SORCS2: variants seen among roughly 807,000 people sequenced by gnomAD.
The protein encoded by SORCS2 is VPS10 domain-containing receptor SorCS2.
In SORCS2, 100 loss-of-function variants were observed where a neutral mutation model predicts 141.6. That is an observed-to-expected ratio of 0.71 (90% CI 0.60 to 0.83). The LOEUF (loss-of-function observed/expected upper bound fraction) is 0.83. SORCS2 is among the 40% of genes least tolerant of loss of function. The pLI, the probability that SORCS2 is intolerant of heterozygous loss-of-function variation, is 0.00. For synonymous variants in SORCS2, 789 were observed against 676.9 expected, an observed-to-expected ratio of 1.17 and a Z score of -2.57; for missense variants, 1,646 against 1,560.2, an observed-to-expected ratio of 1.05 and a Z score of -0.93.
intron 3 of SORCS2, among the ~76,000 whole-genome samples, chr4:7,636,643 A>G (rs1365584367): frequency 6.6e-6 from 1 of 152,084 alleles, no homozygotes; most frequent in African/African-American, 2.4e-5. Flanking sequence ...CCCAGCCGGG[A>G]TAAGGGTGTC....
intron 3 of SORCS2, among the ~76,000 whole-genome samples, chr4:7,579,579 G>A (rs1335923691): frequency 6.6e-6 from 1 of 152,124 alleles, no homozygotes; most frequent in Non-Finnish European, 1.5e-5. Context: ...ATCTTGTAGG[G>A]CCTGGTCCAA....
rs560433433 is a variant in SORCS2 at position 7,270,127 on chromosome 4, C to T, written c.480+77001C>T. On this transcript the variant is annotated intron_variant, in intron 1 of 26. Coordinates refer to ENST00000507866, the MANE Select transcript of SORCS2 (RefSeq NM_020777.3). ...AACTCCTGGCCTCAAGTGATCCTCCCGCCTTGGCCTCCCAAAGTGCTGGGA... is the reference window on the plus strand; with the variant it reads ...AACTCCTGGCCTCAAGTGATCCTCCTGCCTTGGCCTCCCAAAGTGCTGGGA... 1.3e-4 allele frequency among the ~76,000 whole-genome samples: 20 copies of T among 152,356 alleles called. No individual in the cohort carries two copies. In the South Asian group the frequency reaches 1.5e-3, roughly 11 times the overall value.
chr4:7,277,415 T>C (rs904319420), intron 1 of SORCS2, among the ~76,000 whole-genome samples: 3 of 152,126 alleles, frequency 2.0e-5, no homozygotes, highest in Non-Finnish European at 4.4e-5. Context: ...CAGCTTCTCC[T>C]CAATACAGAC....
intron 1 of SORCS2, among the ~76,000 whole-genome samples, chr4:7,383,181 G>A (rs1275725416): frequency 2.0e-5 from 3 of 152,114 alleles, no homozygotes; most frequent in African/African-American, 7.2e-5. Context: ...TTGGTACGGA[G>A]CTCAAGAGGG....
Position 7,661,698 on chromosome 4 carries a change from G to A in SORCS2, c.952+134G>A, listed in dbSNP as rs148748598. On this transcript the variant is annotated intron_variant, in intron 6 of 26. Transcript: ENST00000507866. ...AGCCGGCCTCACTGTGTCTCGATGT[G>A]GCATGATTTTAAATGTGCTTGTTTT... The A allele has an allele frequency of 3.3e-5, 27 of 808,894 alleles. No individual in the cohort carries two copies. In the African/African-American group the frequency reaches 4.6e-4, roughly 14 times the overall value. The allele number at this position is 808,894 out of a possible 1,614,324, so 50.1% of individuals were successfully genotyped here. A position where few individuals can be genotyped will look rare whatever the true frequency, so the allele number is the denominator to read the frequency against.
At chr4:7,256,685 G>T (rs60732708) in intron 1 of SORCS2, among the ~76,000 whole-genome samples, 27,632 of 151,286 alleles carry the variant, frequency 0.18, 3,204 homozygotes, top group Middle Eastern at 0.25. Context: ...TCAATAGTGG[G>T]GGAGCTGTGA....
intron 1 of SORCS2, among the ~76,000 whole-genome samples, chr4:7,241,403 G>A (rs1462961930): frequency 6.6e-6 from 1 of 152,136 alleles, no homozygotes; most frequent in African/African-American, 2.4e-5. Flanking sequence ...CAGCATGAAC[G>A]CTCCCAGTGG....
At chr4:7,209,106 T>A (rs1478915697) in intron 1 of SORCS2, among the ~76,000 whole-genome samples, 1 of 152,146 alleles carries the variant, frequency 6.6e-6, no homozygotes, top group Non-Finnish European at 1.5e-5. Context: ...TTCTCTTCCC[T>A]AGGAGGGAAA....
chr4:7,358,951 A>T (rs1721422161), intron 1 of SORCS2, among the ~76,000 whole-genome samples: 1 of 152,038 alleles, frequency 6.6e-6, no homozygotes, highest in Admixed American at 6.5e-5. Flanking sequence ...TGATCCTTCT[A>T]CCCAAACCTA....
intron 11 of SORCS2, among the ~76,000 whole-genome samples, chr4:7,689,995 ATGGATGGATGAG>A (rs983255349): frequency 4.6e-5 from 7 of 151,796 alleles, no homozygotes; most frequent in East Asian, 2.0e-4. Context: ...TGGGTGGTAG[ATGGATGGATGAG>A]TGGATGGATG....
At chr4:7,530,039 A>G (rs760062638) in intron 2 of SORCS2, among the ~76,000 whole-genome samples, 2 of 152,100 alleles carry the variant, frequency 1.3e-5, no homozygotes, top group African/African-American at 2.4e-5. Flanking sequence ...CATTCTGGGG[A>G]CCTGTGGCCA....
intron 2 of SORCS2, among the ~76,000 whole-genome samples, chr4:7,462,199 G>C (rs1334483078): frequency 6.6e-6 from 1 of 152,224 alleles, no homozygotes; most frequent in Admixed American, 6.5e-5. Flanking sequence ...CTGGGCGCCA[G>C]CTCTCCTGCC....
intron 2 of SORCS2, among the ~76,000 whole-genome samples, chr4:7,520,840 G>A (rs748352723): frequency 3.9e-5 from 6 of 152,222 alleles, no homozygotes; most frequent in Non-Finnish European, 8.8e-5. Flanking sequence ...CTCCTGCACT[G>A]GGTCGGGCTG....
Position 7,473,733 on chromosome 4 carries a change from T to C in SORCS2, c.549-57797T>C, listed in dbSNP as rs147282377. On this transcript the variant is annotated intron_variant, in intron 2 of 26. Coordinates refer to ENST00000507866, the MANE Select transcript of SORCS2 (RefSeq NM_020777.3). ...GGAACTGCTCCTGGCTGGGAGGCTG[T>C]GACTTGGCAATGGGGAGGTGGGAGG... is the stretch of plus-strand genomic sequence containing the variant. Among the ~76,000 whole-genome samples, 96 of 151,338 alleles carry C rather than the reference T, an allele frequency of 6.3e-4. 1 individual carries two copies. The highest frequency in any genetic ancestry group is 2.2e-3 in the African/African-American group (91 of 41,194).
intron 1 of SORCS2, among the ~76,000 whole-genome samples, chr4:7,204,247 G>T (rs1428228383): frequency 6.6e-6 from 1 of 152,038 alleles, no homozygotes; most frequent in South Asian, 2.1e-4. Context: ...ACTGGGTCTT[G>T]CTCTGTTGCC....
intron 1 of SORCS2, among the ~76,000 whole-genome samples, chr4:7,248,967 C>A (rs1193713883): frequency 1.3e-5 from 2 of 152,138 alleles, no homozygotes; most frequent in African/African-American, 2.4e-5. Flanking sequence ...GTATCATGGG[C>A]CCCTTGATTT....
chr4:7,505,441 A>G (rs1732220500), intron 2 of SORCS2, among the ~76,000 whole-genome samples: 1 of 151,936 alleles, frequency 6.6e-6, no homozygotes, highest in Non-Finnish European at 1.5e-5. Flanking sequence ...AGATGGGACC[A>G]CCCCTGAGAT....
intron 18 of SORCS2, among the ~76,000 whole-genome samples, chr4:7,720,877 G>C (rs1314224088): frequency 6.6e-6 from 1 of 152,222 alleles, no homozygotes; most frequent in African/African-American, 2.4e-5. Flanking sequence ...GATCACTTAC[G>C]CATGGCTGGG....
intron 9 of SORCS2, 106 bp from the exon 10 acceptor site, chr4:7,682,637 G>C: frequency 9.0e-7 from 1 of 1,109,974 alleles, no homozygotes. Flanking sequence ...TGTGAAATGA[G>C]GCCACATGTG....
Sources: gnomAD v4.1 joint callset for allele counts (sites outside exome capture counted in the v4.1 genomes callset) on GRCh38, gnomAD v4.1.1 for gene constraint, MANE v1.5 for transcripts, NCBI Gene and HGNC (gene_info 2026-07-23, HGNC 2026-07-21) for gene names.